PPM1E: variants seen among roughly 807,000 people sequenced by gnomAD.
The protein encoded by PPM1E is protein phosphatase 1E.
In PPM1E, 20 loss-of-function variants were observed where a neutral mutation model predicts 65.9. The ratio of observed to expected loss-of-function variants is 0.30; its 90% CI spans 0.21 to 0.44. The LOEUF (loss-of-function observed/expected upper bound fraction) is 0.44, where lower values mean the gene tolerates loss of function less well. PPM1E is among the 20% of genes least tolerant of loss of function. The pLI is 1.00. For synonymous variants in PPM1E, 352 were observed against 374.9 expected, an observed-to-expected ratio of 0.94 and a Z score of 0.70; for missense variants, 713 against 953.1, an observed-to-expected ratio of 0.75 and a Z score of 3.32.
chr17:58,908,096 T>C (rs985124014), intron 1 of PPM1E, among the ~76,000 whole-genome samples: 22 of 152,228 alleles, frequency 1.4e-4, no homozygotes, highest in African/African-American at 4.8e-4. Context: ...TTTTAATTTT[T>C]TTTGAGACAG....
chr17:58,932,504 C>A (rs899554926), intron 1 of PPM1E, among the ~76,000 whole-genome samples: 1 of 152,040 alleles, frequency 6.6e-6, no homozygotes. Flanking sequence ...GGATGTACTC[C>A]AGTAAAATCT....
At chr17:58,978,845 A>T (rs1598715612) in intron 6 of PPM1E, among the ~76,000 whole-genome samples, 1 of 152,226 alleles carries the variant, frequency 6.6e-6, no homozygotes, top group East Asian at 1.9e-4. Context: ...TGGATTTGGA[A>T]GTGCTCTGGA....
chr17:58,924,472 G>A (rs892433708), intron 1 of PPM1E, among the ~76,000 whole-genome samples: 1 of 152,108 alleles, frequency 6.6e-6, no homozygotes, highest in Non-Finnish European at 1.5e-5. Flanking sequence ...GATTGCTTGA[G>A]CCCAGGAGTT....
At chr17:58,917,178 C>A (rs931485847) in intron 1 of PPM1E, among the ~76,000 whole-genome samples, 2 of 151,140 alleles carry the variant, frequency 1.3e-5, no homozygotes, top group Non-Finnish European at 2.9e-5. Flanking sequence ...CCACTGCACT[C>A]CAGCCTGGGG....
At chr17:58,889,612 T>A (rs1438747607) in intron 1 of PPM1E, among the ~76,000 whole-genome samples, 2 of 151,858 alleles carry the variant, frequency 1.3e-5, no homozygotes, top group African/African-American at 2.4e-5. Context: ...AAAAAAAAAA[T>A]TATTTTAGAT....
intron 1 of PPM1E, chr17:58,899,727 A>G (rs552781398): frequency 6.0e-6 from 1 of 166,998 alleles, no homozygotes; most frequent in East Asian, 1.5e-4. Context: ...CCTCGAGGAA[A>G]AAAAAGAAAA....
At chr17:58,764,540 G>A (rs1474916386) in intron 1 of PPM1E, among the ~76,000 whole-genome samples, 1 of 151,992 alleles carries the variant, frequency 6.6e-6, no homozygotes, top group African/African-American at 2.4e-5. Context: ...GGCTCAAGGG[G>A]TCATCCTGCC....
intron 1 of PPM1E, among the ~76,000 whole-genome samples, chr17:58,901,401 C>T (rs2051496580): frequency 1.3e-5 from 2 of 152,124 alleles, no homozygotes; most frequent in African/African-American, 2.4e-5. Flanking sequence ...GGGCTGTGTG[C>T]GGTGGCTCAC....
intron 1 of PPM1E, among the ~76,000 whole-genome samples, chr17:58,758,428 T>A (rs774368614): frequency 1.3e-5 from 2 of 151,554 alleles, no homozygotes; most frequent in Non-Finnish European, 2.9e-5. Context: ...CTCAGGAGGC[T>A]GAGGCAGGAG....
intron 1 of PPM1E, among the ~76,000 whole-genome samples, chr17:58,895,844 G>A (rs1038037303): frequency 7.3e-5 from 11 of 150,322 alleles, no homozygotes; most frequent in Middle Eastern, 3.6e-3. Flanking sequence ...AGTGGCTCAC[G>A]CCTGTAATCC....
intron 6 of PPM1E, among the ~76,000 whole-genome samples, chr17:58,976,523 A>G (rs1019411067): frequency 2.6e-5 from 4 of 152,236 alleles, no homozygotes; most frequent in African/African-American, 9.6e-5. Context: ...AATGATACTT[A>G]TAAAAATGAA....
intron 3 of PPM1E, chr17:58,966,290 G>A: frequency 2.8e-6 from 1 of 362,796 alleles, no homozygotes; most frequent in South Asian, 2.2e-5. Flanking sequence ...TGATACGGGA[G>A]GATTGCTTGA....
At chr17:58,900,379 A>C (rs999059266) in intron 1 of PPM1E, among the ~76,000 whole-genome samples, 1 of 152,228 alleles carries the variant, frequency 6.6e-6, no homozygotes, top group South Asian at 2.1e-4. Context: ...CACCTTGATC[A>C]GTCAGCAGCC....
intron 1 of PPM1E, among the ~76,000 whole-genome samples, chr17:58,778,923 C>CATATATATATAT (rs1287475365): frequency 1.6e-5 from 1 of 61,776 alleles, no homozygotes; most frequent in Non-Finnish European, 3.2e-5. Flanking sequence ...TGAGATGATA[C>CATATATATATAT]ATACATATAT....
chr17:58,896,894 C>CTCTTG (rs2051425309), intron 1 of PPM1E, among the ~76,000 whole-genome samples: 1 of 152,152 alleles, frequency 6.6e-6, no homozygotes, highest in Non-Finnish European at 1.5e-5. Flanking sequence ...CAGGCTGACT[C>CTCTTG]TCTTGTCAGG....
chr17:58,856,787 A>G (rs1391458881), intron 1 of PPM1E, among the ~76,000 whole-genome samples: 1 of 152,154 alleles, frequency 6.6e-6, no homozygotes, highest in African/African-American at 2.4e-5. Flanking sequence ...TGACATCTAG[A>G]TCTGGAATTT....
At chr17:58,788,814 T>C (rs752631298) in intron 1 of PPM1E, among the ~76,000 whole-genome samples, 2 of 152,194 alleles carry the variant, frequency 1.3e-5, no homozygotes, top group Non-Finnish European at 2.9e-5. Context: ...GGCAGACAAA[T>C]TGAACATTCC....
chr17:58,791,201 A>G (rs2050154599), intron 1 of PPM1E, among the ~76,000 whole-genome samples: 1 of 152,100 alleles, frequency 6.6e-6, no homozygotes, highest in Non-Finnish European at 1.5e-5. Flanking sequence ...CTGAGAATGA[A>G]TTGTTTTAAG....
At chr17:58,841,544 G>A (rs771932861) in intron 1 of PPM1E, among the ~76,000 whole-genome samples, 11 of 145,062 alleles carry the variant, frequency 7.6e-5, no homozygotes, top group Admixed American at 2.7e-4. Context: ...TTTTTGAGGC[G>A]GAGTCTTGCT....
Sources: allele counts gnomAD v4.1 joint callset (sites outside exome capture counted in the v4.1 genomes callset), GRCh38; gene constraint gnomAD v4.1.1; transcripts MANE v1.5; gene names NCBI Gene and HGNC (gene_info 2026-07-23, HGNC 2026-07-21).